Variants in LMX1B observed in about 807,000 individuals in gnomAD.
LMX1B encodes LIM homeobox transcription factor 1 beta.
LMX1B carries 12 observed loss-of-function variants against 51.4 expected under a neutral mutation model. That is an observed-to-expected ratio of 0.23 (90% CI 0.15 to 0.38). LMX1B has a LOEUF of 0.38. LMX1B is among the 10% of genes least tolerant of loss of function. The probability of loss-of-function intolerance (pLI) is 1.00; values close to 1 mark genes in which losing one functional copy is unlikely to be tolerated. For missense variants in LMX1B, 445 were observed against 571.1 expected, an observed-to-expected ratio of 0.78 and a Z score of 2.25; for synonymous variants, 237 against 235.4, an observed-to-expected ratio of 1.01 and a Z score of -0.06.
rs1588256316 is a variant in LMX1B at position 126,614,063 on chromosome 9, C to T, written c.-387C>T. Among the ~76,000 whole-genome samples, 1 of 135,834 alleles carries T rather than the reference C, an allele frequency of 7.4e-6. No homozygotes were observed. The highest frequency in any genetic ancestry group is 1.6e-5 in the Non-Finnish European group (1 of 61,472). 89.1% of individuals were successfully genotyped at this position (135,834 alleles called of 152,430 possible). A position where few individuals can be genotyped will look rare whatever the true frequency, so the allele number is the denominator to read the frequency against. Reference sequence around the variant, plus strand: ...CGCCGCGCGCCCCCCCCGCGGCCCGCGGGGCCGCCCCTGCACCCCCACCCC... The same window carrying T: ...CGCCGCGCGCCCCCCCCGCGGCCCGTGGGGCCGCCCCTGCACCCCCACCCC... On this transcript the variant is annotated 5_prime_UTR_variant, in exon 1 of 8. Transcript: ENST00000373474.
At position 126,671,906 on chromosome 9, in the gene LMX1B, C is replaced by T. The variant is rs915278283; in HGVS notation, c.327-18930C>T. 6.6e-6 allele frequency among the ~76,000 whole-genome samples: 1 copy of T among 152,244 alleles called. No homozygotes were observed. The highest frequency in any genetic ancestry group is 2.4e-5 in the African/African-American group (1 of 41,464). ...CAGAGAGGGAATAGAGGTCGGCATT[C>T]TCCACCACCCCCTTCTCCTGGACTG... On this transcript the variant is annotated intron_variant, in intron 2 of 7. Coordinates refer to ENST00000373474, the MANE Select transcript of LMX1B (RefSeq NM_001174147.2). The surrounding 1 kb of genome is among the most constrained non-coding windows in gnomAD (Gnocchi z 4.4).
At chr9:126,616,579 G>A (rs956706054) in intron 2 of LMX1B, among the ~76,000 whole-genome samples, 4 of 152,222 alleles carry the variant, frequency 2.6e-5, no homozygotes, top group African/African-American at 4.8e-5. Flanking sequence ...CTTTAGTGAT[G>A]CCAGAAAACC....
In LMX1B at chr9:126,626,207, G is replaced by A. The variant is rs951004449; in HGVS notation, c.326+10638G>A. ...GGAGTCCCCGTGCGCCCTGGCAGAG[G>A]TCGGGGACGCCAGAGTGCACGCAGT... On this transcript the variant is annotated intron_variant, in intron 2 of 7. Coordinates refer to ENST00000373474, the MANE Select transcript of LMX1B (RefSeq NM_001174147.2). The surrounding 1 kb of genome is among the most constrained non-coding windows in gnomAD (Gnocchi z 4.3). 1.3e-5 allele frequency among the ~76,000 whole-genome samples: 2 copies of A among 152,242 alleles called. No individual in the cohort carries two copies. Among genetic ancestry groups the A allele is most frequent in the South Asian group, 4.1e-4 (2 of 4,838 alleles).
intron 2 of LMX1B, among the ~76,000 whole-genome samples, chr9:126,683,386 C>G (rs1836713432): frequency 6.6e-6 from 1 of 152,024 alleles, no homozygotes; most frequent in Non-Finnish European, 1.5e-5. Flanking sequence ...CCTTTTTTGT[C>G]TCAAAATAAA....
chr9:126,682,912 A>AAAAAG (rs1554727761), intron 2 of LMX1B, among the ~76,000 whole-genome samples: 1 of 148,570 alleles, frequency 6.7e-6, no homozygotes, highest in Admixed American at 6.6e-5. Flanking sequence ...AAAAAAAAAA[A>AAAAAG]AAAGAAAGAA....
chr9:126,623,744 T>C (rs1188864228), intron 2 of LMX1B, among the ~76,000 whole-genome samples: 2 of 141,862 alleles, frequency 1.4e-5, no homozygotes, highest in Non-Finnish European at 3.2e-5. Flanking sequence ...GGGAGCAGGG[T>C]GTCACTGACC....
chr9:126,623,424 C>T (rs759624910), intron 2 of LMX1B, among the ~76,000 whole-genome samples: 2 of 152,222 alleles, frequency 1.3e-5, no homozygotes, highest in Non-Finnish European at 2.9e-5. Context: ...AAGGCATTGG[C>T]GTTTGTTGAG....
At chr9:126,644,036 C>T (rs555805221) in intron 2 of LMX1B, among the ~76,000 whole-genome samples, 2 of 152,162 alleles carry the variant, frequency 1.3e-5, no homozygotes, top group Admixed American at 6.5e-5. Context: ...GTCACTGGCC[C>T]GCACTGCCCA....
chr9:126,690,643 G>A (rs2030085630), intron 2 of LMX1B, among the ~76,000 whole-genome samples, 193 bp from the exon 3 acceptor site: 1 of 152,214 alleles, frequency 6.6e-6, no homozygotes, highest in Non-Finnish European at 1.5e-5. Flanking sequence ...CCACCCCAGG[G>A]CCACTGGGGG....
At chr9:126,647,359 C>T (rs902212552) in intron 2 of LMX1B, among the ~76,000 whole-genome samples, 1 of 152,218 alleles carries the variant, frequency 6.6e-6, no homozygotes, top group Non-Finnish European at 1.5e-5. Flanking sequence ...TCGTTCGACA[C>T]ATTTACATTC....
rs776843607 is a variant in LMX1B at position 126,696,026 on chromosome 9, G to T, written c.1051+23G>T. The T allele has an allele frequency of 5.6e-5, 45 of 807,064 alleles. No individual in the cohort carries two copies. The African/African-American group carries it at 1.3e-3, about 24-fold the overall frequency. The allele number at this position is 807,064 out of a possible 1,614,324, so 50.0% of individuals were successfully genotyped here. On this transcript the variant is annotated intron_variant, in intron 7 of 7. Coordinates refer to ENST00000373474, the MANE Select transcript of LMX1B (RefSeq NM_001174147.2). ...ATGGTAAGCCGCCCTACCCCCACCC[G>T]CCCGCCCCAGCACAGCCCCTGCCCC...
intron 2 of LMX1B, among the ~76,000 whole-genome samples, chr9:126,688,002 T>C (rs2029972577): frequency 6.6e-6 from 1 of 152,066 alleles, no homozygotes; most frequent in Non-Finnish European, 1.5e-5. Flanking sequence ...TGGGAGTGAG[T>C]ATTTCATGCA....
chr9:126,686,409 C>T (rs982343329), intron 2 of LMX1B, among the ~76,000 whole-genome samples: 1 of 152,020 alleles, frequency 6.6e-6, no homozygotes, highest in Non-Finnish European at 1.5e-5. Context: ...CAAATAAACC[C>T]GTAAAAACTC....
intron 2 of LMX1B, among the ~76,000 whole-genome samples, chr9:126,685,694 C>T (rs1184746701): frequency 2.0e-5 from 3 of 152,144 alleles, no homozygotes; most frequent in African/African-American, 7.2e-5. Context: ...GTGGGAATGG[C>T]ACCCTCAGAG....
chr9:126,651,438 A>G (rs933166035), intron 2 of LMX1B, among the ~76,000 whole-genome samples: 2 of 151,990 alleles, frequency 1.3e-5, no homozygotes, highest in African/African-American at 4.8e-5. Flanking sequence ...CCCAGAGCTG[A>G]GACTGCAGGG....
intron 2 of LMX1B, among the ~76,000 whole-genome samples, chr9:126,688,201 G>A (rs1177497043): frequency 2.0e-5 from 3 of 152,228 alleles, no homozygotes; most frequent in African/African-American, 7.2e-5. Flanking sequence ...ATTAATAATA[G>A]ATTGTGTTGA....
Position 126,677,250 on chromosome 9 carries a change from C to G in LMX1B, c.327-13586C>G, listed in dbSNP as rs1466686988. On this transcript the variant is annotated intron_variant, in intron 2 of 7. Transcript: ENST00000373474. This position sits in a 1 kb window ranked among gnomAD's most constrained non-coding sequence, Gnocchi z 5.0. ...TCTGGCAGGAAATGAGTGGCACCCA[C>G]ACTTTCATATACCTCCTTTTAATTC... Among the ~76,000 whole-genome samples the G allele has an allele frequency of 2.0e-5, 3 of 152,204 alleles. No homozygotes were observed. The highest frequency in any genetic ancestry group is 4.4e-5 in the Non-Finnish European group (3 of 68,034).
At chr9:126,652,302 G>GGA (rs991315999) in intron 2 of LMX1B, among the ~76,000 whole-genome samples, 31 of 150,078 alleles carry the variant, frequency 2.1e-4, no homozygotes, top group African/African-American at 7.1e-4. Flanking sequence ...GAGAAGGGGG[G>GGA]GGGGATTTTC....
In LMX1B at chr9:126,641,055, C is replaced by A. The variant is rs1287910391; in HGVS notation, c.326+25486C>A. 1 of 152,220 alleles carries A rather than the reference C, an allele frequency of 6.6e-6. No homozygotes were observed. Among genetic ancestry groups the A allele is most frequent in the African/African-American group, 2.4e-5 (1 of 41,430 alleles). The allele number at this position is 152,220 out of a possible 1,614,324, so 9.4% of individuals were successfully genotyped here. On this transcript the variant is annotated intron_variant, in intron 2 of 7. Transcript: ENST00000373474. The surrounding 1 kb of genome is among the most constrained non-coding windows in gnomAD (Gnocchi z 4.1). ...CCTGGAAGTGACCAGGGGAAACGGTCCAAGACGAGTACACCGAGTTTCTCC... is the reference window on the plus strand; with the variant it reads ...CCTGGAAGTGACCAGGGGAAACGGTACAAGACGAGTACACCGAGTTTCTCC...
Sources: gnomAD v4.1 joint callset for allele counts (sites outside exome capture counted in the v4.1 genomes callset) on GRCh38, gnomAD v4.1.1 for gene constraint, Gnocchi (gnomAD v3.1) non-coding constraint, MANE v1.5 for transcripts, NCBI Gene and HGNC (gene_info 2026-07-23, HGNC 2026-07-21) for gene names.